Variants in RBFOX1 observed in about 807,000 individuals in gnomAD.
RBFOX1 encodes the protein RNA binding fox-1 homolog 1.
In RBFOX1, 8 loss-of-function variants were observed where a neutral mutation model predicts 57.7. The ratio of observed to expected loss-of-function variants is 0.14; its 90% CI spans 0.08 to 0.25. The LOEUF (loss-of-function observed/expected upper bound fraction) is 0.25, where lower values mean the gene tolerates loss of function less well. Among genes scored for constraint, RBFOX1 ranks in the 10% least tolerant of loss-of-function variants. The pLI, the probability that RBFOX1 is intolerant of heterozygous loss-of-function variation, is 1.00. For synonymous variants in RBFOX1, 326 were observed against 222.4 expected (o/e 1.47, Z -4.15); for missense variants, 611 against 548.5 (o/e 1.11, Z -1.14).
intron 10 of RBFOX1, among the ~76,000 whole-genome samples, chr16:7,617,627 C>T (rs147706884): frequency 5.9e-5 from 9 of 152,276 alleles, no homozygotes; most frequent in East Asian, 3.9e-4. Context: ...AAGAGACAGA[C>T]CGTGTATTAA....
rs143191617 is a variant in RBFOX1 at position 6,181,804 on chromosome 16, G to A, written c.-126-135191G>A. On this transcript the variant is annotated intron_variant, in intron 1 of 15. Coordinates refer to ENST00000550418, the MANE Select transcript of RBFOX1 (RefSeq NM_018723.4). ...TGACCCACAAAATCTCAGTGATGCC[G>A]TATAATTAAGATGTATTTCTTCCTT... is the stretch of plus-strand genomic sequence containing the variant. 1.8e-4 allele frequency among the ~76,000 whole-genome samples: 27 copies of A among 152,216 alleles called. No individual in the cohort carries two copies. The East Asian group carries it at 4.7e-3, about 26-fold the overall frequency.
At chr16:5,719,093 C>T (rs1004473392) in intron 3 of RBFOX1, among the ~76,000 whole-genome samples, 11 of 152,012 alleles carry the variant, frequency 7.2e-5, no homozygotes, top group African/African-American at 2.4e-4. Flanking sequence ...ATGAAGATGA[C>T]CTCAAGTAAT....
At chr16:6,296,160 G>A (rs1199921888) in intron 1 of RBFOX1, among the ~76,000 whole-genome samples, 2 of 152,170 alleles carry the variant, frequency 1.3e-5, no homozygotes, top group Non-Finnish European at 2.9e-5. Context: ...TCACTTCGCA[G>A]AGAGACCTCA....
At chr16:6,171,697 A>G (rs975226446) in intron 1 of RBFOX1, among the ~76,000 whole-genome samples, 2 of 152,186 alleles carry the variant, frequency 1.3e-5, no homozygotes, top group Middle Eastern at 3.2e-3. Context: ...GACATCCTGA[A>G]AAAGAAACCC....
intron 4 of RBFOX1, among the ~76,000 whole-genome samples, chr16:7,132,476 A>G (rs1040520421): frequency 6.8e-4 from 69 of 101,068 alleles, no homozygotes; most frequent in African/African-American, 2.4e-3. Flanking sequence ...ACACACACAC[A>G]CACACAGTCA....
rs2095457295 is a variant in RBFOX1 at position 6,485,467 on chromosome 16, C to T, written c.-64+168410C>T. 2.0e-5 allele frequency among the ~76,000 whole-genome samples: 3 copies of T among 152,188 alleles called. No homozygotes were observed. In the South Asian group the frequency reaches 6.2e-4, roughly 32 times the overall value. On this transcript the variant is annotated intron_variant, in intron 2 of 15. Transcript: ENST00000550418. Reference sequence around the variant, plus strand: ...TGTCTTTACTGTTTTACCTGGTGCACAGAAACCTTTTAGGTATCTTTGCTA... The same window carrying T: ...TGTCTTTACTGTTTTACCTGGTGCATAGAAACCTTTTAGGTATCTTTGCTA...
intron 3 of RBFOX1, among the ~76,000 whole-genome samples, chr16:6,708,802 C>T (rs757587914): frequency 2.0e-5 from 3 of 152,142 alleles, no homozygotes; most frequent in Admixed American, 2.0e-4. Flanking sequence ...TGGCTGGGTG[C>T]ACATTCTTAC....
At chr16:5,457,294 C>A (rs1361921631) in intron 1 of RBFOX1, among the ~76,000 whole-genome samples, 2 of 151,622 alleles carry the variant, frequency 1.3e-5, no homozygotes, top group Non-Finnish European at 2.9e-5. Context: ...ACCGCTATAC[C>A]TGGATAATTT....
chr16:6,795,340 T>G (rs911759221), intron 3 of RBFOX1, among the ~76,000 whole-genome samples: 1 of 152,146 alleles, frequency 6.6e-6, no homozygotes, highest in Non-Finnish European at 1.5e-5. Flanking sequence ...GGGCTGCTGA[T>G]GTGCTATTGC....
chr16:7,281,813 T>C (rs8043975), intron 4 of RBFOX1, among the ~76,000 whole-genome samples: 19,501 of 152,032 alleles, frequency 0.13, 1,736 homozygotes, highest in South Asian at 0.24. Flanking sequence ...AAAATAATCT[T>C]TCTTTCTCTC....
rs948127794 is a variant in RBFOX1, at chr16:5,814,450, A to G, written c.319-52853A>G. ...AGCAGCGACAATAATAACAATAAATATAGGCTCTGTGCTGAGCACTTCTTG... is the reference window on the plus strand; with the variant it reads ...AGCAGCGACAATAATAACAATAAATGTAGGCTCTGTGCTGAGCACTTCTTG... On this transcript the variant is annotated intron_variant, in intron 3 of 19. Coordinates refer to the RBFOX1 transcript ENST00000641259. 1.1e-4 allele frequency among the ~76,000 whole-genome samples: 16 copies of G among 152,310 alleles called. No homozygotes were observed. The Middle Eastern group carries it at 0.01, about 97-fold the overall frequency.
At chr16:6,923,867 T>C (rs1166962565) in intron 3 of RBFOX1, among the ~76,000 whole-genome samples, 13 of 152,184 alleles carry the variant, frequency 8.5e-5, no homozygotes. Context: ...CCATGCTGCA[T>C]TGCTATAAAG....
At chr16:5,802,954 A>G (rs2055106575) in intron 3 of RBFOX1, among the ~76,000 whole-genome samples, 1 of 152,158 alleles carries the variant, frequency 6.6e-6, no homozygotes, top group South Asian at 2.1e-4. Flanking sequence ...CTTGAACTTT[A>G]CCAGGATGTA....
chr16:6,558,130 C>G (rs541004768), intron 2 of RBFOX1, among the ~76,000 whole-genome samples: 1 of 152,224 alleles, frequency 6.6e-6, no homozygotes, highest in South Asian at 2.1e-4. Context: ...CTTTATAAGT[C>G]TTTCAAAAAA....
intron 4 of RBFOX1, among the ~76,000 whole-genome samples, chr16:5,958,381 G>A (rs2059687917): frequency 6.6e-6 from 1 of 152,148 alleles, no homozygotes; most frequent in South Asian, 2.1e-4. Flanking sequence ...CTGTGCTCTT[G>A]CCTGCTCCCT....
Position 5,281,227 on chromosome 16 carries a change from G to T in RBFOX1, c.219+41122G>T, listed in dbSNP as rs555189506. Among the ~76,000 whole-genome samples the T allele has an allele frequency of 5.3e-5, 8 of 152,108 alleles. No homozygotes were observed. The South Asian group carries it at 6.2e-4, about 12-fold the overall frequency. Reference sequence around the variant, plus strand: ...TAGCACGTTTAATGTCCATGTATTTGTACAGTTTCCAAATTTCTTCTTGTT... The same window carrying T: ...TAGCACGTTTAATGTCCATGTATTTTTACAGTTTCCAAATTTCTTCTTGTT... On this transcript the variant is annotated intron_variant, in intron 1 of 2. Coordinates refer to the RBFOX1 transcript ENST00000585867.
chr16:7,631,165 T>TGAGGAGGAGGAG (rs3837772), intron 11 of RBFOX1, among the ~76,000 whole-genome samples: 1 of 150,056 alleles, frequency 6.7e-6, no homozygotes, highest in South Asian at 2.1e-4. Context: ...GTAATTCCAA[T>TGAGGAGGAGGAG]GAGGAGGAGG....
At chr16:6,430,957 C>T (rs141646093) in intron 2 of RBFOX1, among the ~76,000 whole-genome samples, 1 of 139,656 alleles carries the variant, frequency 7.2e-6, no homozygotes, top group Admixed American at 7.3e-5. Flanking sequence ...ATAGTGAGTC[C>T]TCATCTCCAG....
intron 3 of RBFOX1, among the ~76,000 whole-genome samples, chr16:5,765,482 T>C (rs2053743874): frequency 2.0e-5 from 3 of 152,152 alleles, no homozygotes; most frequent in South Asian, 4.1e-4. Flanking sequence ...ACAGTTACCA[T>C]GAGAGGCGTA....
Sources: gnomAD v4.1 joint callset for allele counts (sites outside exome capture counted in the v4.1 genomes callset) on GRCh38, gnomAD v4.1.1 for gene constraint, MANE v1.5 for transcripts, NCBI Gene and HGNC (gene_info 2026-07-23, HGNC 2026-07-21) for gene names.